Variants in ZSWIM6 observed in about 807,000 individuals in gnomAD.
ZSWIM6 encodes the protein zinc finger SWIM domain-containing protein 6.
In ZSWIM6, 9 loss-of-function variants were observed where a neutral mutation model predicts 113.2. The observed-to-expected ratio is 0.08, with a 90% CI of 0.05 to 0.14. ZSWIM6 has a LOEUF of 0.14. ZSWIM6 is among the 10% of genes least tolerant of loss of function. ZSWIM6 has a pLI of 1.00. For synonymous variants in ZSWIM6, 611 were observed against 606.5 expected (o/e 1.01, Z -0.11); for missense variants, 1,162 against 1,552.2 (o/e 0.75, Z 4.22).
intron 4 of ZSWIM6, among the ~76,000 whole-genome samples, chr5:61,502,990 C>A (rs1294196928): frequency 6.6e-6 from 1 of 152,050 alleles, no homozygotes; most frequent in Non-Finnish European, 1.5e-5. Context: ...GACTGCTGTA[C>A]TAAAGGATGA....
chr5:61,368,009 C>A (rs1292666317), intron 1 of ZSWIM6, among the ~76,000 whole-genome samples: 2 of 152,062 alleles, frequency 1.3e-5, no homozygotes, highest in African/African-American at 4.8e-5. Flanking sequence ...TACCTGTAGT[C>A]CCAGCTACTT....
At chr5:61,403,380 G>A (rs1017528962) in intron 1 of ZSWIM6, among the ~76,000 whole-genome samples, 6 of 152,260 alleles carry the variant, frequency 3.9e-5, no homozygotes, top group African/African-American at 1.4e-4. Flanking sequence ...TGTAAAAAAT[G>A]GCCTAAGATT....
chr5:61,543,894 C>T lies in ZSWIM6; in HGVS notation c.3225C>T (p.Ala1075=). Residue 1075 remains alanine (A), a synonymous_variant, in exon 14 of 14, where the codon GCC becomes GCT. Transcript: ENST00000252744. The surrounding 1 kb of genome is among the most constrained non-coding windows in gnomAD (Gnocchi z 4.3). ...CTGCCATTAATGATGTTTTGTGGGC[C>T]TGTGCGCTTAGCCACTCCCTTGGTA... ...THPAINDVLW[A]CALSHSLGKN... 1.9e-6 allele frequency: 3 copies of T among 1,551,922 alleles called. No individual in the cohort carries two copies. The highest frequency in any genetic ancestry group is 2.6e-6 in the Non-Finnish European group (3 of 1,147,036).
intron 1 of ZSWIM6, among the ~76,000 whole-genome samples, chr5:61,389,364 G>A (rs1196866382): frequency 6.6e-6 from 1 of 151,588 alleles, no homozygotes; most frequent in African/African-American, 2.4e-5. Context: ...GACCATCCTG[G>A]CCAACATGGT....
chr5:61,441,848 G>C (rs150302976), intron 1 of ZSWIM6, among the ~76,000 whole-genome samples: 134 of 152,294 alleles, frequency 8.8e-4, no homozygotes, highest in African/African-American at 3.0e-3. Context: ...CCACCTTACA[G>C]TGTTTGGTCT....
At chr5:61,355,410 G>A (rs893488223) in intron 1 of ZSWIM6, among the ~76,000 whole-genome samples, 1 of 147,104 alleles carries the variant, frequency 6.8e-6, no homozygotes, top group Non-Finnish European at 1.5e-5. Flanking sequence ...TTTACAGTGC[G>A]AATCTCTTGA....
At chr5:61,391,029 G>A in intron 1 of ZSWIM6, 1 of 747,840 alleles carries the variant, frequency 1.3e-6, no homozygotes. Flanking sequence ...TATAGATCTT[G>A]TTGATCTCAG....
chr5:61,437,037 A>G (rs1746722973), intron 1 of ZSWIM6, among the ~76,000 whole-genome samples: 1 of 152,162 alleles, frequency 6.6e-6, no homozygotes, highest in African/African-American at 2.4e-5. Flanking sequence ...ATCTGCTTCA[A>G]GGCACACACG....
At chr5:61,429,083 C>T (rs976621238) in intron 1 of ZSWIM6, among the ~76,000 whole-genome samples, 1 of 152,114 alleles carries the variant, frequency 6.6e-6, no homozygotes, top group Non-Finnish European at 1.5e-5. Flanking sequence ...GCAGGGAAAC[C>T]TCAATTTAAA....
At chr5:61,453,148 A>C (rs1402402956) in intron 1 of ZSWIM6, among the ~76,000 whole-genome samples, 2 of 152,102 alleles carry the variant, frequency 1.3e-5, no homozygotes, top group Admixed American at 1.3e-4. Context: ...AAGTTGCTTC[A>C]CTTTAAAGTT....
chr5:61,455,190 A>G lies in ZSWIM6; in HGVS notation c.677-17491A>G, dbSNP rs1747178430. 2.0e-5 allele frequency among the ~76,000 whole-genome samples: 3 copies of G among 152,224 alleles called. No individual in the cohort carries two copies. In the South Asian group the frequency reaches 6.2e-4, roughly 31 times the overall value. The stretch of plus-strand genomic sequence containing the variant: ...TTTCTTCCTTGTTAATATTAGCAGT[A>G]GTAATTAAAGATGTTACTACATCAT... On this transcript the variant is annotated intron_variant, in intron 1 of 13. Coordinates refer to ENST00000252744, the MANE Select transcript of ZSWIM6 (RefSeq NM_020928.2).
chr5:61,497,999 G>A (rs1748366869), intron 4 of ZSWIM6, among the ~76,000 whole-genome samples: 1 of 152,074 alleles, frequency 6.6e-6, no homozygotes, highest in Non-Finnish European at 1.5e-5. Context: ...AATTACTGTG[G>A]GGGTCTAGGG....
intron 1 of ZSWIM6, chr5:61,391,310 C>T: frequency 1.2e-6 from 1 of 831,388 alleles, no homozygotes; most frequent in East Asian, 2.4e-5. Flanking sequence ...GCCATGGTGC[C>T]TCCCTTTACC....
chr5:61,392,690 G>A (rs932111141), intron 1 of ZSWIM6, among the ~76,000 whole-genome samples: 15 of 152,238 alleles, frequency 9.9e-5, no homozygotes, highest in East Asian at 3.9e-4. Flanking sequence ...GCAGCTCACC[G>A]CAACCTCCGC....
intron 1 of ZSWIM6, chr5:61,391,764 G>A: frequency 9.5e-7 from 1 of 1,050,852 alleles, no homozygotes; most frequent in Non-Finnish European, 1.5e-6. Context: ...GCTTGGAAGG[G>A]TCATCCTTAG....
At chr5:61,500,679 C>T (rs1176367266) in intron 4 of ZSWIM6, among the ~76,000 whole-genome samples, 2 of 152,144 alleles carry the variant, frequency 1.3e-5, no homozygotes, top group Non-Finnish European at 2.9e-5. Context: ...GCACATGGAT[C>T]CAATAGCCAA....
intron 2 of ZSWIM6, among the ~76,000 whole-genome samples, chr5:61,479,854 G>C (rs1314155787): frequency 2.0e-5 from 3 of 152,062 alleles, no homozygotes; most frequent in African/African-American, 4.8e-5. Flanking sequence ...ATTGTGATGT[G>C]GCAGTTGATA....
intron 1 of ZSWIM6, among the ~76,000 whole-genome samples, chr5:61,377,186 A>G (rs922388160): frequency 2.6e-5 from 4 of 152,202 alleles, no homozygotes; most frequent in African/African-American, 7.2e-5. Context: ...TAAATCAGTG[A>G]GGGAATTTAT....
chr5:61,534,005 G>A (rs1185545338), intron 9 of ZSWIM6, among the ~76,000 whole-genome samples: 1 of 152,156 alleles, frequency 6.6e-6, no homozygotes, highest in African/African-American at 2.4e-5. Flanking sequence ...AATCCTGTTG[G>A]ATCAGGGCCC....
Sources: gnomAD v4.1 joint callset for allele counts (sites outside exome capture counted in the v4.1 genomes callset) on GRCh38, gnomAD v4.1.1 for gene constraint, Gnocchi (gnomAD v3.1) non-coding constraint, MANE v1.5 for transcripts, NCBI Gene and HGNC (gene_info 2026-07-23, HGNC 2026-07-21) for gene names.